SBF2: variants seen among roughly 807,000 people sequenced by gnomAD.
SBF2 encodes the protein SET binding factor 2, also known as myotubularin-related protein 13.
In SBF2, 112 loss-of-function variants were observed where a neutral mutation model predicts 225.2. The ratio of observed to expected loss-of-function variants is 0.50; its 90% CI spans 0.43 to 0.58. The LOEUF (loss-of-function observed/expected upper bound fraction) is 0.58, where lower values mean the gene tolerates loss of function less well. SBF2 is among the 20% of genes least tolerant of loss of function. The probability of loss-of-function intolerance (pLI) is 0.00; values close to 1 mark genes in which losing one functional copy is unlikely to be tolerated. For synonymous variants in SBF2, 763 were observed against 773.3 expected (o/e 0.99, Z 0.22); for missense variants, 1,996 against 2,206.2 (o/e 0.90, Z 1.91).
At chr11:9,794,226 C>A (rs967181410) in intron 33 of SBF2, among the ~76,000 whole-genome samples, 1 of 151,740 alleles carries the variant, frequency 6.6e-6, no homozygotes, top group African/African-American at 2.4e-5. Context: ...CCCCTGCCCA[C>A]GAAACAAAAA....
intron 31 of SBF2, chr11:9,808,690 G>A (rs982239196): frequency 8.2e-6 from 4 of 486,214 alleles, no homozygotes; most frequent in African/African-American, 7.8e-5. Context: ...GGATGGGAGA[G>A]CTTGATGCCC....
At chr11:9,896,048 T>C (rs928596758) in intron 16 of SBF2, 37 bp from the exon 17 acceptor site, 4 of 1,522,752 alleles carry the variant, frequency 2.6e-6, no homozygotes, top group East Asian at 4.5e-5. Context: ...CATTAGGATA[T>C]TTACCAGAAA....
chr11:9,902,866 C>G (rs1420046082), intron 16 of SBF2, among the ~76,000 whole-genome samples: 1 of 151,662 alleles, frequency 6.6e-6, no homozygotes, highest in Non-Finnish European at 1.5e-5. Flanking sequence ...TTAAGTAAGC[C>G]TTTAAGAATT....
intron 13 of SBF2, among the ~76,000 whole-genome samples, chr11:9,972,001 T>C (rs1946481864): frequency 6.6e-6 from 1 of 152,122 alleles, no homozygotes; most frequent in African/African-American, 2.4e-5. Flanking sequence ...GGCATGACAA[T>C]TCAGGGGGAA....
chr11:10,176,303 A>T (rs1956460542), intron 2 of SBF2, among the ~76,000 whole-genome samples: 1 of 151,328 alleles, frequency 6.6e-6, no homozygotes, highest in African/African-American at 2.4e-5. Flanking sequence ...GAGCAAACAC[A>T]TTCAAAAGCT....
At chr11:10,204,832 G>T (rs528397533) in intron 1 of SBF2, among the ~76,000 whole-genome samples, 1 of 152,204 alleles carries the variant, frequency 6.6e-6, no homozygotes, top group South Asian at 2.1e-4. Context: ...ATTCATGGTT[G>T]ACAAGGGCTT....
rs182235064 is a variant in SBF2 at position 9,932,590 on chromosome 11, T to C, written c.1860+29367A>G. Reference sequence around the variant, plus strand: ...ACAGACAAGCAAATGCTGAGAGATTTTGTCACCACCAGGCCTGCCTTACAA... The same window carrying C: ...ACAGACAAGCAAATGCTGAGAGATTCTGTCACCACCAGGCCTGCCTTACAA... On this transcript the variant is annotated intron_variant, in intron 16 of 39. Transcript: ENST00000256190. 3.8e-3 allele frequency among the ~76,000 whole-genome samples: 581 copies of C among 152,266 alleles called. 3 individuals carry two copies. Among genetic ancestry groups the C allele is most frequent in the South Asian group, 5.2e-3 (25 of 4,816 alleles).
At chr11:10,286,166 G>GCACACACACACACA (rs57445416) in intron 1 of SBF2, among the ~76,000 whole-genome samples, 3 of 147,356 alleles carry the variant, frequency 2.0e-5, no homozygotes, top group African/African-American at 7.5e-5. Context: ...ACACGCACAC[G>GCACACACACACACA]CACACACACA....
intron 1 of SBF2, among the ~76,000 whole-genome samples, chr11:10,212,326 G>T (rs925262992): frequency 6.6e-6 from 1 of 152,174 alleles, no homozygotes; most frequent in Non-Finnish European, 1.5e-5. Flanking sequence ...ACGGTGTCCT[G>T]AGTCGCTGGG....
chr11:9,877,283 T>C (rs1001690408), intron 17 of SBF2, among the ~76,000 whole-genome samples: 1 of 152,212 alleles, frequency 6.6e-6, no homozygotes, highest in African/African-American at 2.4e-5. Context: ...ATGTATTATA[T>C]GAAGTAAGTT....
intron 2 of SBF2, among the ~76,000 whole-genome samples, chr11:10,172,212 G>A (rs1011862572): frequency 6.6e-6 from 1 of 151,808 alleles, no homozygotes; most frequent in Non-Finnish European, 1.5e-5. Context: ...AGTTCTTTAA[G>A]ATGCATCATT....
At chr11:10,284,590 T>A (rs1011167683) in intron 1 of SBF2, among the ~76,000 whole-genome samples, 3 of 152,154 alleles carry the variant, frequency 2.0e-5, no homozygotes, top group African/African-American at 7.2e-5. Context: ...ACAAGGGGTT[T>A]TTGCTTTTGT....
At chr11:9,915,987 C>G (rs895539527) in intron 16 of SBF2, among the ~76,000 whole-genome samples, 2 of 152,164 alleles carry the variant, frequency 1.3e-5, no homozygotes, top group African/African-American at 2.4e-5. Flanking sequence ...TCGCTTGAAC[C>G]TGGGAGGCGG....
intron 1 of SBF2, among the ~76,000 whole-genome samples, chr11:10,265,496 G>A (rs1404460188): frequency 8.3e-5 from 6 of 71,898 alleles, no homozygotes; most frequent in Non-Finnish European, 1.3e-4. Context: ...CAGAAATCGG[G>A]GGGGGGGAGA....
chr11:9,894,713 G>A (rs2134130596), intron 17 of SBF2, among the ~76,000 whole-genome samples: 1 of 152,036 alleles, frequency 6.6e-6, no homozygotes, highest in Middle Eastern at 3.4e-3. Context: ...AGGCGCAGTA[G>A]CTCATGCCTG....
intron 16 of SBF2, among the ~76,000 whole-genome samples, chr11:9,916,440 T>A (rs974453136): frequency 6.6e-6 from 1 of 152,190 alleles, no homozygotes; most frequent in Non-Finnish European, 1.5e-5. Context: ...TATATTTATA[T>A]CTATATTTCA....
chr11:10,100,991 C>T (rs1285715213), intron 2 of SBF2, among the ~76,000 whole-genome samples: 1 of 152,154 alleles, frequency 6.6e-6, no homozygotes, highest in East Asian at 1.9e-4. Flanking sequence ...AGAAAGGATA[C>T]TCTCGGAGTT....
intron 2 of SBF2, among the ~76,000 whole-genome samples, chr11:10,125,795 C>G (rs1953721694): frequency 6.6e-6 from 1 of 152,234 alleles, no homozygotes; most frequent in Non-Finnish European, 1.5e-5. Context: ...TAATTGTCCT[C>G]CTCTGCTCTG....
At chr11:9,800,068 T>C (rs1408679985) in intron 32 of SBF2, among the ~76,000 whole-genome samples, 1 of 152,108 alleles carries the variant, frequency 6.6e-6, no homozygotes, top group African/African-American at 2.4e-5. Context: ...TGAAACACCA[T>C]TTCTGCTAAA....
Sources: gnomAD v4.1 joint callset for allele counts (sites outside exome capture counted in the v4.1 genomes callset) on GRCh38, gnomAD v4.1.1 for gene constraint, MANE v1.5 for transcripts, NCBI Gene and HGNC (gene_info 2026-07-23, HGNC 2026-07-21) for gene names.